ZNF704: variants seen among roughly 807,000 people sequenced by gnomAD.
ZNF704 encodes glucocorticoid induced gene 1.
In ZNF704, 10 loss-of-function variants were observed where a neutral mutation model predicts 44.7. That is an observed-to-expected ratio of 0.22 (90% confidence interval 0.14 to 0.38). The LOEUF is 0.38. Among genes scored for constraint, ZNF704 ranks in the 10% least tolerant of loss-of-function variants. The pLI is 1.00. For missense variants in ZNF704, 390 were observed against 545.5 expected (o/e 0.71, Z 2.84); for synonymous variants, 211 against 207.6 (o/e 1.02, Z -0.14).
chr8:80,638,450 A>C lies in ZNF704; in HGVS notation c.*2916T>G, dbSNP rs1354468275. On this transcript the variant is annotated 3_prime_UTR_variant, in exon 9 of 9. Transcript: ENST00000327835. ...TCCACTGCCAGCCTGCTGTGGGAGC[A>C]GTCTGCCCAGTCCTCCCCCTCCTCC... 1 of 152,614 alleles carries C rather than the reference A, an allele frequency of 6.6e-6. No homozygotes were observed. Among genetic ancestry groups the C allele is most frequent in the African/African-American group, 2.4e-5 (1 of 41,448 alleles). The allele number at this position is 152,614 out of a possible 1,614,324, so 9.5% of individuals were successfully genotyped here.
chr8:80,847,278 T>G (rs1808783141), intron 1 of ZNF704, among the ~76,000 whole-genome samples: 1 of 152,102 alleles, frequency 6.6e-6, no homozygotes, highest in African/African-American at 2.4e-5. Flanking sequence ...AAAGACATAT[T>G]CAGGATCTAC....
intron 1 of ZNF704, among the ~76,000 whole-genome samples, chr8:80,843,996 TACAC>T (rs1563574198): frequency 1.7e-4 from 25 of 149,764 alleles, no homozygotes; most frequent in Non-Finnish European, 4.4e-5. Flanking sequence ...TATATACACA[TACAC>T]ACATGTATAT....
intron 4 of ZNF704, among the ~76,000 whole-genome samples, chr8:80,676,882 G>A (rs1341815420): frequency 2.6e-5 from 4 of 152,180 alleles, no homozygotes; most frequent in African/African-American, 4.8e-5. Context: ...TGCAGGAGGC[G>A]GAGCACAGGC....
At chr8:80,804,600 TCTCA>T (rs1236893654) in intron 2 of ZNF704, among the ~76,000 whole-genome samples, 1 of 152,122 alleles carries the variant, frequency 6.6e-6, no homozygotes, top group Non-Finnish European at 1.5e-5. Flanking sequence ...CACATCGTGT[TCTCA>T]CTTATAAGTG....
At chr8:80,796,024 A>AT (rs1807795646) in intron 2 of ZNF704, among the ~76,000 whole-genome samples, 1 of 152,242 alleles carries the variant, frequency 6.6e-6, no homozygotes, top group Non-Finnish European at 1.5e-5. Flanking sequence ...ATGGAGAAAC[A>AT]TAGCTATTTG....
intron 1 of ZNF704, among the ~76,000 whole-genome samples, chr8:80,840,310 C>CGTGT (rs148744401): frequency 6.6e-6 from 1 of 151,242 alleles, no homozygotes; most frequent in Non-Finnish European, 1.5e-5. Context: ...AAATTGTGTG[C>CGTGT]GTGTGTGTGT....
intron 4 of ZNF704, among the ~76,000 whole-genome samples, chr8:80,676,692 A>G (rs1818371535): frequency 6.6e-6 from 1 of 152,250 alleles, no homozygotes; most frequent in Admixed American, 6.5e-5. Context: ...CCTTTTTGGC[A>G]CCAGGACCGG....
intron 2 of ZNF704, among the ~76,000 whole-genome samples, chr8:80,784,811 T>C (rs1807588653): frequency 7.2e-6 from 1 of 139,252 alleles, no homozygotes; most frequent in Non-Finnish European, 1.5e-5. Context: ...TAAAAGGTCA[T>C]CACCATACCC....
chr8:80,738,206 G>C (rs948934557), intron 2 of ZNF704, among the ~76,000 whole-genome samples: 1 of 152,126 alleles, frequency 6.6e-6, no homozygotes, highest in East Asian at 1.9e-4. Flanking sequence ...TTTGGTCAAA[G>C]AGTTATCTAC....
At chr8:80,693,439 G>T (rs1336359145) in intron 2 of ZNF704, among the ~76,000 whole-genome samples, 1 of 152,188 alleles carries the variant, frequency 6.6e-6, no homozygotes, top group Non-Finnish European at 1.5e-5. Context: ...GGAGCCTAGA[G>T]GACGGTGGGA....
chr8:80,665,667 A>G (rs1585934726), intron 5 of ZNF704, among the ~76,000 whole-genome samples: 1 of 152,292 alleles, frequency 6.6e-6, no homozygotes, highest in South Asian at 2.1e-4. Context: ...GTACCCCCCC[A>G]TTCAACCTCT....
intron 3 of ZNF704, among the ~76,000 whole-genome samples, chr8:80,688,218 T>C (rs1036138209): frequency 2.0e-5 from 3 of 148,746 alleles, no homozygotes; most frequent in Non-Finnish European, 3.0e-5. Context: ...AGAAAAAAAG[T>C]TGGGGGGTGG....
rs371004500 is a variant in ZNF704 at position 80,797,374 on chromosome 8, C to T, written c.221+24000G>A. ...TAGTAGGGGCTCTCTGCAGTGGCTCCGCCCCTGCAAAAAGTCTTCTGCCTG... is the reference window on the plus strand; with the variant it reads ...TAGTAGGGGCTCTCTGCAGTGGCTCTGCCCCTGCAAAAAGTCTTCTGCCTG... On this transcript the variant is annotated intron_variant, in intron 2 of 8. Coordinates refer to ENST00000327835, the MANE Select transcript of ZNF704 (RefSeq NM_001033723.3). Among the ~76,000 whole-genome samples, 78 of 152,248 alleles carry T rather than the reference C, an allele frequency of 5.1e-4. 1 individual carries two copies. Among genetic ancestry groups the T allele is most frequent in the African/African-American group, 1.4e-3 (60 of 41,560 alleles).
At position 80,635,759 on chromosome 8, in the gene ZNF704, A is replaced by G. The variant is rs1250925060; in HGVS notation, c.*5607T>C. 6.6e-6 allele frequency: 1 copy of G among 152,208 alleles called. No individual in the cohort carries two copies. Among genetic ancestry groups the G allele is most frequent in the Non-Finnish European group, 1.5e-5 (1 of 68,030 alleles). The allele number at this position is 152,208 out of a possible 1,614,324, so 9.4% of individuals were successfully genotyped here. On this transcript the variant is annotated 3_prime_UTR_variant, in exon 9 of 9. Coordinates refer to ENST00000327835, the MANE Select transcript of ZNF704 (RefSeq NM_001033723.3). ...AATGACTCTTCAGGCATCTTTTTCC[A>G]TACTTTGAAAACACACTAGTAATGG... is the stretch of plus-strand genomic sequence containing the variant.
intron 2 of ZNF704, among the ~76,000 whole-genome samples, chr8:80,765,179 GC>G (rs1266747604): frequency 6.6e-6 from 1 of 152,150 alleles, no homozygotes; most frequent in African/African-American, 2.4e-5. Flanking sequence ...AGGCTGGTGA[GC>G]CTAATGTTCT....
intron 1 of ZNF704, among the ~76,000 whole-genome samples, chr8:80,833,162 A>G (rs1808497428): frequency 6.6e-6 from 1 of 152,328 alleles, no homozygotes; most frequent in South Asian, 2.1e-4. Context: ...CCTGGCTAAC[A>G]TGGTGAAACC....
At chr8:80,647,481 T>G (rs984266549) in intron 7 of ZNF704, among the ~76,000 whole-genome samples, 1 of 152,190 alleles carries the variant, frequency 6.6e-6, no homozygotes, top group African/African-American at 2.4e-5. Context: ...GACATCTGAT[T>G]AATGCTTTAA....
At chr8:80,792,051 C>CT (rs1807717630) in intron 2 of ZNF704, among the ~76,000 whole-genome samples, 1 of 151,944 alleles carries the variant, frequency 6.6e-6, no homozygotes, top group Non-Finnish European at 1.5e-5. Flanking sequence ...CCTGGGGGCA[C>CT]ATCTGATGTG....
chr8:80,833,474 A>T (rs543830724), intron 1 of ZNF704, among the ~76,000 whole-genome samples: 1 of 152,352 alleles, frequency 6.6e-6, no homozygotes, highest in South Asian at 2.1e-4. Context: ...TTTAAATTAC[A>T]TTCTTCAAAT....
Sources: allele counts gnomAD v4.1 joint callset (sites outside exome capture counted in the v4.1 genomes callset), GRCh38; gene constraint gnomAD v4.1.1; transcripts MANE v1.5; gene names NCBI Gene and HGNC (gene_info 2026-07-23, HGNC 2026-07-21).